The following NBEA variants were observed in gnomAD, a reference collection of about 807,000 sequenced individuals.
NBEA encodes the protein neurobeachin, also known as lysosomal-trafficking regulator 2.
A neutral mutation model predicts 343.4 loss-of-function variants in NBEA; 44 were observed. The ratio of observed to expected loss-of-function variants is 0.13; its 90% CI spans 0.10 to 0.16. The LOEUF (loss-of-function observed/expected upper bound fraction) is 0.16. NBEA is among the 10% of genes least tolerant of loss of function. The pLI is 1.00. For missense variants in NBEA, 2,555 were observed against 3,631.3 expected, an observed-to-expected ratio of 0.70 and a Z score of 7.62; for synonymous variants, 1,175 against 1,238.7, an observed-to-expected ratio of 0.95 and a Z score of 1.08.
rs759515571 is a variant in NBEA at position 35,109,401 on chromosome 13, A to G, written c.1792A>G (p.Ile598Val). The change falls in exon 12 of 59, where the codon ATT (isoleucine) becomes GTT (valine). Residue 598 changes from isoleucine (I) to valine (V), a missense_variant. By Grantham distance (29) the Ile-to-Val change is conservative. Coordinates refer to ENST00000379939, the MANE Select transcript of NBEA (RefSeq NM_001385012.1). The stretch of plus-strand genomic sequence containing the variant: ...TTTGCTGAAGCAGCTTTGTGATCAC[A>G]TTTTATTTAACCCAGCCATCTGGAT... Reference protein sequence around the residue: ...APLLKQLCDHILFNPAIWIHT... With the variant: ...APLLKQLCDHVLFNPAIWIHT... 1.9e-6 allele frequency: 3 copies of G among 1,611,638 alleles called. No homozygotes were observed. Among genetic ancestry groups the G allele is most frequent in the South Asian group, 1.1e-5 (1 of 90,856 alleles).
Position 35,470,376 on chromosome 13 carries a change from T to C in NBEA, c.6449-2024T>C, listed in dbSNP as rs551231297. ...GGTATGGTTTTGATGTTTCACGATC[T>C]TTTTTTTTTCATGTTCTCAATTTGG... On this transcript the variant is annotated intron_variant, in intron 40 of 58. Coordinates refer to ENST00000379939, the MANE Select transcript of NBEA (RefSeq NM_001385012.1). Among the ~76,000 whole-genome samples the C allele has an allele frequency of 3.4e-5, 4 of 116,074 alleles. No individual in the cohort carries two copies. The East Asian group carries it at 1.4e-3, about 42-fold the overall frequency. The allele number at this position is 116,074 out of a possible 152,430, so 76.1% of individuals were successfully genotyped here. A position where few individuals can be genotyped will look rare whatever the true frequency, so the allele number is the denominator to read the frequency against.
At chr13:35,265,879 C>T (rs189857404) in intron 34 of NBEA, among the ~76,000 whole-genome samples, 7 of 151,958 alleles carry the variant, frequency 4.6e-5, no homozygotes, top group East Asian at 1.9e-4. Context: ...TAAAAATCTT[C>T]GGCACAGCAA....
intron 41 of NBEA, among the ~76,000 whole-genome samples, chr13:35,511,940 G>A (rs1353156835): frequency 6.6e-6 from 1 of 152,120 alleles, no homozygotes; most frequent in African/African-American, 2.4e-5. Context: ...TCTACTGAAA[G>A]TTGTTTTTAA....
chr13:35,190,250 G>C (rs2152737476), intron 30 of NBEA, among the ~76,000 whole-genome samples: 1 of 152,226 alleles, frequency 6.6e-6, no homozygotes, highest in South Asian at 2.1e-4. Flanking sequence ...ACTGCTCGAA[G>C]TGACAGTGCC....
At chr13:35,079,595 A>G (rs377303360) in intron 10 of NBEA, among the ~76,000 whole-genome samples, 5 of 152,176 alleles carry the variant, frequency 3.3e-5, no homozygotes, top group African/African-American at 1.2e-4. Flanking sequence ...TTAGTATACC[A>G]CTAATAAAAG....
intron 41 of NBEA, among the ~76,000 whole-genome samples, chr13:35,522,205 C>T (rs1194834916): frequency 6.6e-6 from 1 of 151,794 alleles, no homozygotes; most frequent in Admixed American, 6.6e-5. Flanking sequence ...GCCTGTAATC[C>T]CAGCAGTTTG....
rs763957963 is a variant in NBEA at position 35,159,173 on chromosome 13, G to A, written c.3002G>A (p.Arg1001Gln). The A allele has an allele frequency of 6.1e-5, 98 of 1,613,360 alleles. 1 individual carries two copies. The highest frequency in any genetic ancestry group is 4.9e-4 in the Middle Eastern group (3 of 6,082). Residue 1001 changes from arginine to glutamine, a missense_variant, in exon 22 of 59, where the codon CGA (arginine) becomes CAA (glutamine). Physicochemically the swap from Arg to Gln is conservative, Grantham distance 43 (BLOSUM62 1). This residue lies in a region of NBEA where 367 missense variants were observed against 377.5 expected (regional missense o/e 0.97). Coordinates refer to ENST00000379939, the MANE Select transcript of NBEA (RefSeq NM_001385012.1). ...GGAGCAAAAGGTGGAATGGAAATTC[G>A]AGAGATAGAAGATCTTTCACAAAGC... Reference protein sequence around the residue: ...TTGAKGGMEIREIEDLSQSQS... With the variant: ...TTGAKGGMEIQEIEDLSQSQS...
chr13:35,197,357 A>T (rs1366641310), intron 31 of NBEA, among the ~76,000 whole-genome samples: 1 of 152,182 alleles, frequency 6.6e-6, no homozygotes, highest in Non-Finnish European at 1.5e-5. Context: ...AAATTAGGAA[A>T]TAAAATGTTT....
At chr13:35,092,164 GA>G (rs1224912390) in intron 10 of NBEA, among the ~76,000 whole-genome samples, 1 of 151,880 alleles carries the variant, frequency 6.6e-6, no homozygotes, top group East Asian at 1.9e-4. Context: ...TCTAATGGAG[GA>G]AGGATAATCA....
intron 41 of NBEA, among the ~76,000 whole-genome samples, chr13:35,541,368 A>G (rs991163047): frequency 4.6e-5 from 7 of 151,916 alleles, no homozygotes; most frequent in Admixed American, 2.0e-4. Flanking sequence ...TTGGTTCCTA[A>G]TGGTCAGCTG....
chr13:35,088,555 A>G (rs918206065), intron 10 of NBEA, among the ~76,000 whole-genome samples: 6 of 151,958 alleles, frequency 3.9e-5, no homozygotes, highest in Non-Finnish European at 8.8e-5. Flanking sequence ...TGGCTTTTCC[A>G]GTGTATTCTG....
chr13:35,475,699 T>A, intron 41 of NBEA: 1 of 1,613,592 alleles, frequency 6.2e-7, no homozygotes, highest in South Asian at 1.1e-5. Context: ...CTTTACCACA[T>A]CCCGGTAGCT....
In NBEA at chr13:35,475,928, G is replaced by T. The variant is rs1442602021; in HGVS notation, c.6585+3392G>T. ...TAAAGCACCACTTCAAATTCGGTGG[G>T]GGAGATGACCTCGAGGCCCTCGTAG... is the stretch of plus-strand genomic sequence containing the variant. On this transcript the variant is annotated intron_variant, in intron 41 of 58. Coordinates refer to ENST00000379939, the MANE Select transcript of NBEA (RefSeq NM_001385012.1). 1.9e-6 allele frequency: 3 copies of T among 1,614,154 alleles called. No individual in the cohort carries two copies. The South Asian group carries it at 3.3e-5, about 18-fold the overall frequency.
intron 11 of NBEA, among the ~76,000 whole-genome samples, chr13:35,101,268 T>C (rs2065634673): frequency 6.6e-6 from 1 of 151,952 alleles, no homozygotes; most frequent in Non-Finnish European, 1.5e-5. Flanking sequence ...TATTGATGTT[T>C]TTCAAAGTGA....
intron 17 of NBEA, among the ~76,000 whole-genome samples, chr13:35,139,752 T>TTG (rs1211596648): frequency 2.8e-5 from 4 of 141,370 alleles, no homozygotes; most frequent in East Asian, 4.1e-4. Context: ...GCGTTTTTTT[T>TTG]TTTTTTTTTT....
At chr13:35,290,481 A>C (rs757662303) in intron 35 of NBEA, 31 bp downstream of exon 35, 1 of 1,519,360 alleles carries the variant, frequency 6.6e-7, no homozygotes, top group African/African-American at 1.4e-5. Flanking sequence ...AGTTACATTA[A>C]TATATGAGGG....
At chr13:35,291,315 G>T (rs1031380704) in intron 35 of NBEA, among the ~76,000 whole-genome samples, 1 of 151,750 alleles carries the variant, frequency 6.6e-6, no homozygotes, top group Non-Finnish European at 1.5e-5. Flanking sequence ...CAGCTAACTC[G>T]CAGACAAACA....
intron 34 of NBEA, among the ~76,000 whole-genome samples, chr13:35,261,144 T>A (rs2033173308): frequency 2.0e-5 from 3 of 152,180 alleles, no homozygotes; most frequent in Admixed American, 2.0e-4. Flanking sequence ...GTTGTAAAAC[T>A]TTCTGGGAAA....
chr13:34,968,874 A>G (rs2059910875), intron 1 of NBEA, among the ~76,000 whole-genome samples: 1 of 137,840 alleles, frequency 7.3e-6, no homozygotes. Context: ...TTTAATATCA[A>G]TTATTAATAT....
Sources: gnomAD v4.1 joint callset for allele counts (sites outside exome capture counted in the v4.1 genomes callset) on GRCh38, gnomAD v4.1.1 for gene constraint, gnomAD v4.1.1 regional missense constraint, MANE v1.5 for transcripts, NCBI Gene and HGNC (gene_info 2026-07-23, HGNC 2026-07-21) for gene names.